Variants in RIN2 observed in about 807,000 individuals in gnomAD.
RIN2 encodes Ras and Rab interactor 2.
In RIN2, 36 loss-of-function variants were observed where a neutral mutation model predicts 78.0. The observed-to-expected ratio is 0.46, with a 90% CI of 0.35 to 0.61. RIN2 has a LOEUF of 0.61. Among genes scored for constraint, RIN2 ranks in the 20% least tolerant of loss-of-function variants. The pLI, the probability that RIN2 is intolerant of heterozygous loss-of-function variation, is 0.00. For missense variants in RIN2, 1,087 were observed against 1,159.7 expected (o/e 0.94, Z 0.91); for synonymous variants, 466 against 466.8 (o/e 1.00, Z 0.02).
At chr20:19,871,646 G>A (rs1033757175) in intron 2 of RIN2, among the ~76,000 whole-genome samples, 2 of 152,156 alleles carry the variant, frequency 1.3e-5, no homozygotes, top group African/African-American at 2.4e-5. Flanking sequence ...GCATTGCCAC[G>A]TGTCAAAATA....
intron 7 of RIN2, among the ~76,000 whole-genome samples, chr20:19,970,105 G>T (rs370185583): frequency 6.6e-6 from 1 of 152,328 alleles, no homozygotes; most frequent in East Asian, 1.9e-4. Context: ...TGGGTGCTGG[G>T]GTTATTGGCA....
At chr20:19,974,575 T>C in intron 8 of RIN2, 79 bp from the exon 9 acceptor site, 6 of 1,411,916 alleles carry the variant, frequency 4.2e-6, no homozygotes, top group Non-Finnish European at 4.9e-6. Context: ...TGTCATGCAG[T>C]GTGCTTTTTT....
At chr20:19,844,166 G>A (rs1453403876) in intron 2 of RIN2, among the ~76,000 whole-genome samples, 1 of 152,100 alleles carries the variant, frequency 6.6e-6, no homozygotes, top group Non-Finnish European at 1.5e-5. Context: ...TGGCAAGATT[G>A]GAAACAGTTT....
intron 4 of RIN2, among the ~76,000 whole-genome samples, chr20:19,951,464 T>G (rs2041313678): frequency 6.6e-6 from 1 of 152,176 alleles, no homozygotes; most frequent in Admixed American, 6.5e-5. Context: ...CTGGGGGCAC[T>G]TGATGTCAGG....
chr20:19,802,836 G>C (rs147572876), intron 2 of RIN2, among the ~76,000 whole-genome samples: 1 of 152,106 alleles, frequency 6.6e-6, no homozygotes, highest in Non-Finnish European at 1.5e-5. Context: ...ATACCTGAGC[G>C]AAGTCTTCCA....
intron 2 of RIN2, among the ~76,000 whole-genome samples, chr20:19,885,023 T>G (rs2038136593): frequency 6.6e-6 from 1 of 152,236 alleles, no homozygotes; most frequent in African/African-American, 2.4e-5. Context: ...CGGCCTCATT[T>G]AACGGCTAGA....
At chr20:19,888,339 A>G (rs1022713768) in intron 2 of RIN2, among the ~76,000 whole-genome samples, 1 of 152,182 alleles carries the variant, frequency 6.6e-6, no homozygotes, top group African/African-American at 2.4e-5. Context: ...CTTTGTGCAA[A>G]GATCCTTGCT....
At chr20:19,853,082 T>C (rs1265397202) in intron 2 of RIN2, among the ~76,000 whole-genome samples, 1 of 140,772 alleles carries the variant, frequency 7.1e-6, no homozygotes, top group Non-Finnish European at 1.5e-5. Flanking sequence ...CCTTCCTGTG[T>C]CCATGTGTTC....
intron 3 of RIN2, among the ~76,000 whole-genome samples, chr20:19,912,475 C>CTTTTTTTTTTTTTTTTTTTTTTTT (rs545323465): frequency 9.0e-6 from 1 of 110,932 alleles, no homozygotes; most frequent in African/African-American, 3.5e-5. Flanking sequence ...TTTTCTTTTT[C>CTTTTTTTTTTTTTTTTTTTTTTTT]TTTTTTTTTT....
chr20:19,951,900 G>C (rs1263105905), intron 4 of RIN2, among the ~76,000 whole-genome samples: 1 of 152,136 alleles, frequency 6.6e-6, no homozygotes, highest in Non-Finnish European at 1.5e-5. Flanking sequence ...TCTGTTCACT[G>C]CCTTCCCTCC....
chr20:19,974,940 G>A lies in RIN2; in HGVS notation c.915G>A (p.Arg305=). 6.2e-7 allele frequency: 1 copy of A among 1,613,402 alleles called. No individual in the cohort carries two copies. Among genetic ancestry groups the A allele is most frequent in the Non-Finnish European group, 8.5e-7 (1 of 1,179,632 alleles). ...TPNANGTERT[R]SPPPRPPPPA... ...ACGCGAATGGCACGGAGCGGACTCG[G>A]TCCCCCCCACCCAGGCCCCCGCCAC... The change falls in exon 9 of 13, where the codon CGG becomes CGA. Residue 305 remains arginine, a synonymous_variant. Coordinates refer to ENST00000255006, the MANE Select transcript of RIN2 (RefSeq NM_018993.4).
At chr20:19,916,480 G>A (rs8116312) in intron 3 of RIN2, among the ~76,000 whole-genome samples, 3,191 of 152,168 alleles carry the variant, frequency 0.021, 103 homozygotes, top group African/African-American at 0.073. Flanking sequence ...TTAGCTGGGC[G>A]TGGTGGCACA....
At chr20:19,922,301 G>T (rs2039957121) in intron 3 of RIN2, among the ~76,000 whole-genome samples, 1 of 152,108 alleles carries the variant, frequency 6.6e-6, no homozygotes, top group South Asian at 2.1e-4. Context: ...GACCCTTCAT[G>T]GTCTCTGCAC....
chr20:19,886,714 A>G (rs765465590), intron 2 of RIN2: 1 of 1,549,436 alleles, frequency 6.5e-7, no homozygotes, highest in South Asian at 1.2e-5. Flanking sequence ...CCTTCAGGGA[A>G]GCCAGGAAAA....
chr20:19,913,185 G>C (rs1333724200), intron 3 of RIN2, among the ~76,000 whole-genome samples: 3 of 151,620 alleles, frequency 2.0e-5, no homozygotes, highest in Non-Finnish European at 4.4e-5. Context: ...TATTTTCTAG[G>C]GATTCTGTTT....
chr20:19,868,889 T>G (rs1265149893), intron 2 of RIN2, among the ~76,000 whole-genome samples: 1 of 152,058 alleles, frequency 6.6e-6, no homozygotes, highest in Non-Finnish European at 1.5e-5. Context: ...AAGACCAACC[T>G]GGCCAACATC....
At chr20:19,928,217 A>C (rs2040303714) in intron 3 of RIN2, among the ~76,000 whole-genome samples, 1 of 152,164 alleles carries the variant, frequency 6.6e-6, no homozygotes, top group East Asian at 1.9e-4. Flanking sequence ...GCAGTGTTTT[A>C]ATCTCATTGT....
chr20:19,838,735 A>G (rs994709301), intron 2 of RIN2, among the ~76,000 whole-genome samples: 2 of 152,098 alleles, frequency 1.3e-5, no homozygotes, highest in Non-Finnish European at 2.9e-5. Context: ...TTTTGCAGAC[A>G]GGTTTGGCAC....
At position 19,975,062 on chromosome 20, in the gene RIN2, T is replaced by G; in HGVS notation, c.1037T>G (p.Val346Gly). The change falls in exon 9 of 13, where the codon GTA (valine) becomes GGA (glycine). Residue 346 changes from valine to glycine, a missense_variant. By Grantham distance (109) the Val-to-Gly change is moderately radical. Transcript: ENST00000255006. The surrounding 1 kb of genome is among the most constrained non-coding windows in gnomAD (Gnocchi z 4.9). ...GTCAACCATAACAAACATGGGAACGTAGCTCTGCCTGGAACGAAACCAACT... is the reference window on the plus strand; with the variant it reads ...GTCAACCATAACAAACATGGGAACGGAGCTCTGCCTGGAACGAAACCAACT... ...ETVNHNKHGNVALPGTKPTPI... is the reference protein window; with the variant it reads ...ETVNHNKHGNGALPGTKPTPI... 1 of 1,613,296 alleles carries G rather than the reference T, an allele frequency of 6.2e-7. No individual in the cohort carries two copies. Among genetic ancestry groups the G allele is most frequent in the Non-Finnish European group, 8.5e-7 (1 of 1,179,856 alleles).
Sources: gnomAD v4.1 joint callset for allele counts (sites outside exome capture counted in the v4.1 genomes callset) on GRCh38, gnomAD v4.1.1 for gene constraint, Gnocchi (gnomAD v3.1) non-coding constraint, MANE v1.5 for transcripts, NCBI Gene and HGNC (gene_info 2026-07-23, HGNC 2026-07-21) for gene names.